PCDHGA2: variants seen among roughly 807,000 people sequenced by gnomAD.
PCDHGA2 encodes the protein protocadherin gamma-A2.
Under a neutral mutation model 59.2 loss-of-function variants are expected in PCDHGA2, and 40 were observed. That is an observed-to-expected ratio of 0.68 (90% CI 0.52 to 0.88). The LOEUF is 0.88. PCDHGA2 is among the 40% of genes least tolerant of loss of function. PCDHGA2 has a pLI of 0.00. For synonymous variants in PCDHGA2, 560 were observed against 526.0 expected, an observed-to-expected ratio of 1.06 and a Z score of -0.89; for missense variants, 1,226 against 1,204.0, an observed-to-expected ratio of 1.02 and a Z score of -0.27.
At chr5:141,433,604 G>A (rs2097631609) in intron 1 of PCDHGA2, among the ~76,000 whole-genome samples, 1 of 152,138 alleles carries the variant, frequency 6.6e-6, no homozygotes, top group Non-Finnish European at 1.5e-5. Flanking sequence ...GGGAGGCCGA[G>A]GCGGGTGGAT....
At chr5:141,350,814 G>C (rs1758567733) in intron 1 of PCDHGA2, 3 of 1,613,904 alleles carry the variant, frequency 1.9e-6, no homozygotes, top group Non-Finnish European at 2.5e-6. Flanking sequence ...AGTCCTGATG[G>C]AAGTAAATAT....
At chr5:141,424,720 G>A (rs530298674) in intron 1 of PCDHGA2, 4 of 152,090 alleles carry the variant, frequency 2.6e-5, no homozygotes, top group Non-Finnish European at 4.4e-5. Flanking sequence ...GTGTAGTTGG[G>A]AGTCATAGAT....
chr5:141,487,455 A>G lies in PCDHGA2; in HGVS notation c.2425-7352A>G, dbSNP rs751456631. 6.2e-7 allele frequency: 1 copy of G among 1,614,122 alleles called. No individual in the cohort carries two copies. The highest frequency in any genetic ancestry group is 8.5e-7 in the Non-Finnish European group (1 of 1,180,032). On this transcript the variant is annotated intron_variant, in intron 1 of 3. Coordinates refer to ENST00000394576, the MANE Select transcript of PCDHGA2 (RefSeq NM_018915.4). The surrounding 1 kb of genome is among the most constrained non-coding windows in gnomAD (Gnocchi z 5.0). ...CAGCTAGGGTCAGATGACCCTATCA[A>G]GTTTGTTGATGTGGGAGGCCACTCT...
At chr5:141,414,639 T>A in intron 1 of PCDHGA2, 1 of 1,613,966 alleles carries the variant, frequency 6.2e-7, no homozygotes, top group South Asian at 1.1e-5. Context: ...GCAAAGAGAA[T>A]GCCCAGATTA....
intron 3 of PCDHGA2, among the ~76,000 whole-genome samples, chr5:141,508,837 A>C (rs1596180024): frequency 6.7e-6 from 1 of 149,276 alleles, no homozygotes; most frequent in Non-Finnish European, 1.5e-5. Context: ...CCCCTCCCCT[A>C]CCCCTTCCAT....
chr5:141,425,555 A>C (rs1282440598), intron 1 of PCDHGA2, among the ~76,000 whole-genome samples: 2 of 152,388 alleles, frequency 1.3e-5, no homozygotes, highest in Middle Eastern at 6.8e-3. Context: ...AACCTCTTTT[A>C]TAAGTGATAA....
intron 1 of PCDHGA2, chr5:141,384,465 T>A (rs1561602415): frequency 6.2e-7 from 1 of 1,614,118 alleles, no homozygotes; most frequent in Non-Finnish European, 8.5e-7. Flanking sequence ...CCTTTGATTA[T>A]GAGCAGTTGA....
chr5:141,350,268 G>A (rs1240234728), intron 1 of PCDHGA2: 3 of 1,512,380 alleles, frequency 2.0e-6, no homozygotes, highest in East Asian at 2.3e-5. Flanking sequence ...GAAATGCAGA[G>A]AGCCAGAGAA....
At chr5:141,450,129 C>T (rs1211301953) in intron 1 of PCDHGA2, among the ~76,000 whole-genome samples, 1 of 151,472 alleles carries the variant, frequency 6.6e-6, no homozygotes, top group African/African-American at 2.4e-5. Context: ...GCCTTAGCCT[C>T]CTGAGTAGCT....
In PCDHGA2 at chr5:141,352,669, C is replaced by A. The variant is rs756977674; in HGVS notation, c.2424+11274C>A. The stretch of plus-strand genomic sequence containing the variant: ...CTTATGACCCTTCTTTGTCTTCGCA[C>A]GTGAGTTTCTGCAAATCTAGTTAAA... On this transcript the variant is annotated intron_variant, in intron 1 of 3. Transcript: ENST00000394576. 11 of 1,582,550 alleles carry A rather than the reference C, an allele frequency of 7.0e-6. No individual in the cohort carries two copies. The East Asian group carries it at 1.6e-4, about 23-fold the overall frequency.
rs942270362 is a variant in PCDHGA2 at position 141,394,773 on chromosome 5, C to T, written c.2424+53378C>T. On this transcript the variant is annotated intron_variant, in intron 1 of 3. Coordinates refer to ENST00000394576, the MANE Select transcript of PCDHGA2 (RefSeq NM_018915.4). ...CGTCCAGGACCATGGCCAGCCCCCT[C>T]TCTCCGCCACTGTCACGCTCACCGT... 4.3e-5 allele frequency: 70 copies of T among 1,613,400 alleles called. No homozygotes were observed. The highest frequency in any genetic ancestry group is 5.6e-5 in the Non-Finnish European group (66 of 1,179,978).
chr5:141,476,950 A>T lies in PCDHGA2; in HGVS notation c.2425-17857A>T, dbSNP rs1224572890. 2 of 1,614,158 alleles carry T rather than the reference A, an allele frequency of 1.2e-6. No homozygotes were observed. The highest frequency in any genetic ancestry group is 4.5e-5 in the East Asian group (2 of 44,878). ...ATCTGGATGAAGGCCCCAACGGTGA[A>T]ATTATTTACTCCTTCGGCAGCCACA... On this transcript the variant is annotated intron_variant, in intron 1 of 3. Transcript: ENST00000394576. The surrounding 1 kb of genome is among the most constrained non-coding windows in gnomAD (Gnocchi z 7.6).
At chr5:141,404,601 T>G (rs2094545274) in intron 1 of PCDHGA2, 2 of 1,614,056 alleles carry the variant, frequency 1.2e-6, no homozygotes, top group Admixed American at 1.7e-5. Context: ...TCATTGAGAC[T>G]GTTTGTTTTG....
chr5:141,349,894 A>G (rs554115110), intron 1 of PCDHGA2, among the ~76,000 whole-genome samples: 1 of 152,312 alleles, frequency 6.6e-6, no homozygotes, highest in Admixed American at 6.5e-5. Flanking sequence ...TGATGATGAC[A>G]AACTAGAAAA....
intron 1 of PCDHGA2, chr5:141,427,971 C>A (rs764145525): frequency 1.3e-6 from 2 of 1,593,630 alleles, no homozygotes; most frequent in Non-Finnish European, 1.7e-6. Flanking sequence ...GGTGCTGTAC[C>A]CCGCGCTGGG....
At chr5:141,366,285 C>A in intron 1 of PCDHGA2, 1 of 1,613,710 alleles carries the variant, frequency 6.2e-7, no homozygotes, top group East Asian at 2.2e-5. Flanking sequence ...CATGGCCAGC[C>A]CCCTCTGTCA....
intron 1 of PCDHGA2, chr5:141,350,867 A>G: frequency 2.5e-6 from 4 of 1,614,074 alleles, no homozygotes; most frequent in East Asian, 2.2e-5. Context: ...GGAACATCAG[A>G]GCTCTCATCG....
chr5:141,422,355 T>A, intron 1 of PCDHGA2: 1 of 1,557,416 alleles, frequency 6.4e-7, no homozygotes, highest in Non-Finnish European at 8.6e-7. Flanking sequence ...AAGATCAAGA[T>A]TCTGGAGAAA....
intron 1 of PCDHGA2, among the ~76,000 whole-genome samples, chr5:141,452,253 T>G (rs2098736880): frequency 6.6e-6 from 1 of 152,166 alleles, no homozygotes; most frequent in Admixed American, 6.5e-5. Context: ...TTGCCATAAC[T>G]CTCTCATTTT....
Sources: allele counts gnomAD v4.1 joint callset (sites outside exome capture counted in the v4.1 genomes callset), GRCh38; gene constraint gnomAD v4.1.1; non-coding constraint Gnocchi (gnomAD v3.1); transcripts MANE v1.5; gene names NCBI Gene and HGNC (gene_info 2026-07-23, HGNC 2026-07-21).